The following EPHA6 variants were observed in gnomAD, a reference collection of about 807,000 sequenced individuals.
The protein encoded by EPHA6 is EPH receptor A6.
EPHA6 carries 50 observed loss-of-function variants against 112.0 expected under a neutral mutation model. The observed-to-expected ratio is 0.45, with a 90% confidence interval of 0.36 to 0.56. EPHA6 has a LOEUF of 0.56. Ranked by LOEUF, EPHA6 falls within the 20% of genes least tolerant of loss-of-function variation. The probability of loss-of-function intolerance (pLI) is 0.00; values close to 1 mark genes in which losing one functional copy is unlikely to be tolerated. For synonymous variants in EPHA6, 529 were observed against 490.7 expected (o/e 1.08, Z -1.03); for missense variants, 1,280 against 1,417.4 (o/e 0.90, Z 1.56).
chr3:97,536,743 G>T (rs1455999854), intron 11 of EPHA6, among the ~76,000 whole-genome samples: 1 of 151,938 alleles, frequency 6.6e-6, no homozygotes, highest in Non-Finnish European at 1.5e-5. Flanking sequence ...TAAGTAATAG[G>T]CATTCCCCAA....
chr3:97,630,274 T>C (rs1451531844), intron 13 of EPHA6, among the ~76,000 whole-genome samples: 2 of 152,018 alleles, frequency 1.3e-5, no homozygotes, highest in East Asian at 3.9e-4. Flanking sequence ...AGAAAGATCT[T>C]TGAAGGATTT....
At chr3:97,185,411 G>A (rs2077099309) in intron 3 of EPHA6, among the ~76,000 whole-genome samples, 1 of 152,118 alleles carries the variant, frequency 6.6e-6, no homozygotes, top group Non-Finnish European at 1.5e-5. Context: ...TGAAGGATAT[G>A]AACAGACACT....
intron 11 of EPHA6, among the ~76,000 whole-genome samples, chr3:97,550,850 G>A (rs1451936598): frequency 6.7e-6 from 1 of 149,132 alleles, no homozygotes; most frequent in Non-Finnish European, 1.5e-5. Context: ...TATAGATGAA[G>A]GAAAATGTCA....
chr3:97,435,762 C>T (rs1435383365), intron 6 of EPHA6, among the ~76,000 whole-genome samples: 1 of 152,000 alleles, frequency 6.6e-6, no homozygotes, highest in Non-Finnish European at 1.5e-5. Flanking sequence ...TCTTTCTTTC[C>T]AATTTGATTT....
chr3:96,935,763 G>A (rs182911399), intron 2 of EPHA6, among the ~76,000 whole-genome samples: 11 of 131,136 alleles, frequency 8.4e-5, no homozygotes, highest in African/African-American at 3.9e-4. Context: ...TTATATATAT[G>A]TGTGTGTGTG....
At chr3:97,073,682 G>T (rs948628656) in intron 3 of EPHA6, among the ~76,000 whole-genome samples, 2 of 151,920 alleles carry the variant, frequency 1.3e-5, no homozygotes, top group East Asian at 1.9e-4. Flanking sequence ...TCATATGATC[G>T]TAAAGCATAT....
Position 97,120,001 on chromosome 3 carries a change from GAT to G in EPHA6, c.1115-106261_1115-106260del, listed in dbSNP as rs1311573833. Among the ~76,000 whole-genome samples, 3 of 152,032 alleles carry G rather than the reference GAT, an allele frequency of 2.0e-5. No individual in the cohort carries two copies. The East Asian group carries it at 5.8e-4, about 29-fold the overall frequency. The stretch of plus-strand genomic sequence containing the variant: ...GTCTCATAATTTCCCAAAAGTCACT[GAT>G]AAAATCACATGAAATTTTCCTTGTA... On this transcript the variant is annotated intron_variant, in intron 3 of 17. Coordinates refer to ENST00000389672, the MANE Select transcript of EPHA6 (RefSeq NM_001080448.3).
At position 97,294,887 on chromosome 3, in the gene EPHA6, A is replaced by G. The variant is rs563034898; in HGVS notation, c.1606+50600A>G. On this transcript the variant is annotated intron_variant, in intron 5 of 17. Transcript: ENST00000389672. Reference sequence around the variant, plus strand: ...TTGCTGGGTATATTATTCTTTCAGAACATTGAATATATTTTTCCATTCTCA... The same window carrying G: ...TTGCTGGGTATATTATTCTTTCAGAGCATTGAATATATTTTTCCATTCTCA... 8.5e-5 allele frequency among the ~76,000 whole-genome samples: 13 copies of G among 152,292 alleles called. No individual in the cohort carries two copies. The South Asian group carries it at 2.5e-3, about 29-fold the overall frequency.
At chr3:97,432,205 T>C (rs541589893) in intron 6 of EPHA6, among the ~76,000 whole-genome samples, 1 of 152,262 alleles carries the variant, frequency 6.6e-6, no homozygotes, top group Non-Finnish European at 1.5e-5. Flanking sequence ...GGTGGTGTTC[T>C]GGGAGATTAA....
intron 12 of EPHA6, among the ~76,000 whole-genome samples, chr3:97,599,968 G>A (rs1190583369): frequency 9.2e-5 from 14 of 152,182 alleles, no homozygotes; most frequent in African/African-American, 3.4e-4. Context: ...AGTTCTCCTT[G>A]AAGAGGTCCT....
At chr3:96,831,739 G>A (rs1015292777) in intron 1 of EPHA6, among the ~76,000 whole-genome samples, 4 of 151,932 alleles carry the variant, frequency 2.6e-5, no homozygotes, top group African/African-American at 7.3e-5. Flanking sequence ...CAAGTTCTTT[G>A]CAAGCAATAG....
intron 3 of EPHA6, among the ~76,000 whole-genome samples, chr3:96,992,916 C>T (rs938622393): frequency 2.6e-5 from 4 of 152,134 alleles, no homozygotes; most frequent in Non-Finnish European, 5.9e-5. Flanking sequence ...CTCTGTGCTA[C>T]AATTTGTGCT....
At chr3:97,525,166 A>G (rs1401147382) in intron 10 of EPHA6, among the ~76,000 whole-genome samples, 2 of 151,808 alleles carry the variant, frequency 1.3e-5, no homozygotes, top group Non-Finnish European at 2.9e-5. Context: ...ATATCCCTAC[A>G]CTTTCTTCAC....
intron 2 of EPHA6, among the ~76,000 whole-genome samples, chr3:96,983,932 G>T (rs1487590002): frequency 6.6e-6 from 1 of 152,092 alleles, no homozygotes; most frequent in Admixed American, 6.5e-5. Flanking sequence ...CTCTGCACTG[G>T]TTATTCTAGT....
At chr3:97,256,935 T>C (rs1422555773) in intron 5 of EPHA6, among the ~76,000 whole-genome samples, 1 of 152,062 alleles carries the variant, frequency 6.6e-6, no homozygotes, top group Non-Finnish European at 1.5e-5. Context: ...TTAGCTTATG[T>C]ATCAGAAATT....
rs540735482 is a variant in EPHA6, at chr3:97,620,104, A to G, written c.2574+9250A>G. ...GTGGAAGAGAAGAGAGAACACAGAA[A>G]TAAGACTACACACCTACAGCTATCT... On this transcript the variant is annotated intron_variant, in intron 13 of 17. Transcript: ENST00000389672. 3.9e-5 allele frequency among the ~76,000 whole-genome samples: 6 copies of G among 152,218 alleles called. No individual in the cohort carries two copies. In the East Asian group the frequency reaches 7.7e-4, roughly 20 times the overall value.
chr3:97,058,299 TTG>T (rs2045914364), intron 3 of EPHA6, among the ~76,000 whole-genome samples: 1 of 150,808 alleles, frequency 6.6e-6, no homozygotes, highest in Non-Finnish European at 1.5e-5. Flanking sequence ...TTTTTTTTTG[TTG>T]TTGTTGTTGT....
Position 97,125,791 on chromosome 3 carries a change from G to C in EPHA6, c.1115-100473G>C, listed in dbSNP as rs75569532. Among the ~76,000 whole-genome samples the C allele has an allele frequency of 5.9e-5, 9 of 152,034 alleles. No individual in the cohort carries two copies. In the East Asian group the frequency reaches 1.7e-3, roughly 29 times the overall value. On this transcript the variant is annotated intron_variant, in intron 3 of 17. Transcript: ENST00000389672. Reference sequence around the variant, plus strand: ...ACAGGTTGCTGACTAAATAGCCCAGGAGATAGTCTTAAACACACACAACAC... The same window carrying C: ...ACAGGTTGCTGACTAAATAGCCCAGCAGATAGTCTTAAACACACACAACAC...
At position 97,758,543 on chromosome 3, in the gene EPHA6, G is replaced by T. The variant is rs1032322692; in HGVS notation, c.*9842G>T. 5.3e-5 allele frequency among the ~76,000 whole-genome samples: 8 copies of T among 151,838 alleles called. No homozygotes were observed. The highest frequency in any genetic ancestry group is 8.8e-5 in the Non-Finnish European group (6 of 67,854). ...ACCATTGTCCTGTTCGAAGCACTGA[G>T]GATACATGGTGACCAAGACAAGCAA... On this transcript the variant is annotated 3_prime_UTR_variant, in exon 18 of 18. Coordinates refer to ENST00000389672, the MANE Select transcript of EPHA6 (RefSeq NM_001080448.3).
Sources: allele counts gnomAD v4.1 joint callset (sites outside exome capture counted in the v4.1 genomes callset), GRCh38; gene constraint gnomAD v4.1.1; transcripts MANE v1.5; gene names NCBI Gene and HGNC (gene_info 2026-07-23, HGNC 2026-07-21).